CELF4: variants seen among roughly 807,000 people sequenced by gnomAD.
CELF4 encodes the protein CUG-BP- and ETR-3-like factor 4.
Under a neutral mutation model 59.9 loss-of-function variants are expected in CELF4, and 18 were observed. That is an observed-to-expected ratio of 0.30 (90% CI 0.21 to 0.45). CELF4 has a LOEUF of 0.45. Ranked by LOEUF, CELF4 falls within the 20% of genes least tolerant of loss-of-function variation. CELF4 has a pLI of 1.00. For synonymous variants in CELF4, 261 were observed against 267.1 expected (o/e 0.98, Z 0.22); for missense variants, 456 against 689.0 (o/e 0.66, Z 3.79).
At chr18:37,345,594 TG>T (rs1370366678) in intron 2 of CELF4, among the ~76,000 whole-genome samples, 3 of 152,056 alleles carry the variant, frequency 2.0e-5, no homozygotes, top group Non-Finnish European at 2.9e-5. Context: ...GACTTTCCTA[TG>T]GGTGGAGTGG....
intron 2 of CELF4, among the ~76,000 whole-genome samples, chr18:37,441,149 T>A (rs1313888238): frequency 6.6e-6 from 1 of 152,174 alleles, no homozygotes; most frequent in Non-Finnish European, 1.5e-5. Context: ...GGATTTGTTT[T>A]TAAAGATCTC....
intron 2 of CELF4, among the ~76,000 whole-genome samples, chr18:37,399,654 C>T (rs941930195): frequency 6.6e-6 from 1 of 152,184 alleles, no homozygotes; most frequent in Non-Finnish European, 1.5e-5. Flanking sequence ...TGTCCACTAA[C>T]CAGGGTTGGT....
rs562609004 is a variant in CELF4, at chr18:37,441,776, G to A, written c.369+43749C>T. On this transcript the variant is annotated intron_variant, in intron 2 of 12. Transcript: ENST00000420428. Reference sequence around the variant, plus strand: ...CCACTCACCACTAGGCTTGTGGCCTGGGGAGCATTCTATTCTTGAAGGCCC... The same window carrying A: ...CCACTCACCACTAGGCTTGTGGCCTAGGGAGCATTCTATTCTTGAAGGCCC... Among the ~76,000 whole-genome samples the A allele has an allele frequency of 2.6e-5, 4 of 152,208 alleles. No individual in the cohort carries two copies. The South Asian group carries it at 6.2e-4, about 24-fold the overall frequency.
chr18:37,466,491 T>C (rs2099809476), intron 2 of CELF4, among the ~76,000 whole-genome samples: 1 of 152,068 alleles, frequency 6.6e-6, no homozygotes, highest in Non-Finnish European at 1.5e-5. Context: ...CAGAGCCCAT[T>C]CTAGGTCCCA....
At position 37,253,987 on chromosome 18, in the gene CELF4, G is replaced by C. The variant is rs1236809557; in HGVS notation, c.1334-49C>G. The C allele has an allele frequency of 3.9e-6, 6 of 1,530,118 alleles. No individual in the cohort carries two copies. In the Admixed American group the frequency reaches 5.5e-5, roughly 14 times the overall value. The allele number at this position is 1,530,118 out of a possible 1,614,324, so 94.8% of individuals were successfully genotyped here. ...GCCTGGGTTTCCACGGGGCCGCCCG[G>C]GGCGCTGCCGGCGGGGAGGGGTCGG... On this transcript the variant is annotated intron_variant, in intron 11 of 12. Transcript: ENST00000420428. This position sits in a 1 kb window ranked among gnomAD's most constrained non-coding sequence, Gnocchi z 4.5.
chr18:37,428,598 G>A (rs913580524), intron 2 of CELF4, among the ~76,000 whole-genome samples: 1 of 152,172 alleles, frequency 6.6e-6, no homozygotes, highest in African/African-American at 2.4e-5. Flanking sequence ...GCCTTTGACA[G>A]GACTTATGAT....
intron 1 of CELF4, among the ~76,000 whole-genome samples, chr18:37,533,045 T>C (rs1569569782): frequency 6.6e-6 from 1 of 152,386 alleles, no homozygotes; most frequent in East Asian, 1.9e-4. Flanking sequence ...TACTGTCTTC[T>C]GAGCTTACTG....
chr18:37,401,587 A>G (rs2099327381), intron 2 of CELF4, among the ~76,000 whole-genome samples: 1 of 152,198 alleles, frequency 6.6e-6, no homozygotes, highest in South Asian at 2.1e-4. Context: ...CAACCAAGAC[A>G]CAGAAACATC....
At chr18:37,297,093 T>A (rs1168094297) in intron 3 of CELF4, among the ~76,000 whole-genome samples, 1 of 152,016 alleles carries the variant, frequency 6.6e-6, no homozygotes, top group Non-Finnish European at 1.5e-5. Flanking sequence ...AGGCTAGGCA[T>A]CAGGGGGTGC....
In CELF4 at chr18:37,325,251, T is replaced by C. The variant is rs1464081494; in HGVS notation, c.370-3370A>G. Among the ~76,000 whole-genome samples, 4 of 152,060 alleles carry C rather than the reference T, an allele frequency of 2.6e-5. No individual in the cohort carries two copies. The South Asian group carries it at 6.2e-4, about 24-fold the overall frequency. On this transcript the variant is annotated intron_variant, in intron 2 of 12. Transcript: ENST00000420428. The stretch of plus-strand genomic sequence containing the variant: ...CCCCACATCCCTAGGGGCCTCATCC[T>C]GTGTGGGAGGAAGGCTGGGACCACT...
chr18:37,453,652 C>T (rs1210364589), intron 2 of CELF4, among the ~76,000 whole-genome samples: 1 of 152,104 alleles, frequency 6.6e-6, no homozygotes, highest in Non-Finnish European at 1.5e-5. Flanking sequence ...GGACTCGGCA[C>T]AGAGCATCGG....
chr18:37,350,722 C>T (rs1312478693), intron 2 of CELF4, among the ~76,000 whole-genome samples: 1 of 152,190 alleles, frequency 6.6e-6, no homozygotes, highest in Non-Finnish European at 1.5e-5. Flanking sequence ...CGCAAGGGTC[C>T]CTTTATCTCT....
chr18:37,340,598 C>A (rs1017167098), intron 2 of CELF4, among the ~76,000 whole-genome samples: 14 of 152,230 alleles, frequency 9.2e-5, no homozygotes, highest in African/African-American at 3.1e-4. Flanking sequence ...GTCCCACAGG[C>A]CTGAGGGTGG....
chr18:37,425,400 C>T (rs1482525619), intron 2 of CELF4, among the ~76,000 whole-genome samples: 1 of 152,262 alleles, frequency 6.6e-6, no homozygotes, highest in Non-Finnish European at 1.5e-5. Context: ...AGGAAGCCAG[C>T]TGCAGGGAGG....
rs574313085 is a variant in CELF4 at position 37,521,774 on chromosome 18, G to A, written c.287-36167C>T. ...TGCAGCGGTGACCCTGGCCTCTCCC[G>A]TCTGCCTGTGAAAGCCTGTCCTTCA... is the stretch of plus-strand genomic sequence containing the variant. On this transcript the variant is annotated intron_variant, in intron 1 of 12. Coordinates refer to ENST00000420428, the MANE Select transcript of CELF4 (RefSeq NM_020180.4). 1.7e-3 allele frequency among the ~76,000 whole-genome samples: 263 copies of A among 152,284 alleles called. 1 individual carries two copies. Among genetic ancestry groups the A allele is most frequent in the African/African-American group, 5.7e-3 (238 of 41,552 alleles).
chr18:37,248,356 A>G (rs1187237121), intron 12 of CELF4, among the ~76,000 whole-genome samples: 1 of 152,120 alleles, frequency 6.6e-6, no homozygotes, highest in East Asian at 1.9e-4. Flanking sequence ...GTGTAACCAA[A>G]CTGAGGCTGC....
chr18:37,450,751 C>A (rs1428146377), intron 2 of CELF4, among the ~76,000 whole-genome samples: 3 of 152,136 alleles, frequency 2.0e-5, no homozygotes, highest in African/African-American at 7.2e-5. Flanking sequence ...GGTGCACAGC[C>A]CATCTCTTTG....
intron 11 of CELF4, among the ~76,000 whole-genome samples, chr18:37,257,445 C>T (rs943408511): frequency 6.6e-6 from 1 of 152,208 alleles, no homozygotes; most frequent in African/African-American, 2.4e-5. Context: ...TGTTTTTCCA[C>T]ACCCAGAGAG....
chr18:37,425,488 A>G (rs2099606247), intron 2 of CELF4, among the ~76,000 whole-genome samples: 1 of 152,222 alleles, frequency 6.6e-6, no homozygotes. Flanking sequence ...CTGTGGGTTT[A>G]TTAATGCATG....
Sources: gnomAD v4.1 joint callset for allele counts (sites outside exome capture counted in the v4.1 genomes callset) on GRCh38, gnomAD v4.1.1 for gene constraint, Gnocchi (gnomAD v3.1) non-coding constraint, MANE v1.5 for transcripts, NCBI Gene and HGNC (gene_info 2026-07-23, HGNC 2026-07-21) for gene names.